Variants in PCDH15 observed in about 807,000 individuals in gnomAD.
PCDH15 encodes the protein protocadherin-15.
PCDH15 carries 129 observed loss-of-function variants against 178.5 expected under a neutral mutation model. That is an observed-to-expected ratio of 0.72 (90% CI 0.63 to 0.84). PCDH15 has a LOEUF of 0.84. Ranked by LOEUF, PCDH15 falls within the 40% of genes least tolerant of loss-of-function variation. The probability of loss-of-function intolerance (pLI) is 0.00; values close to 1 mark genes in which losing one functional copy is unlikely to be tolerated. For missense variants in PCDH15, 2,230 were observed against 2,099.9 expected (o/e 1.06, Z -1.21); for synonymous variants, 800 against 732.0 (o/e 1.09, Z -1.50).
intron 2 of PCDH15, among the ~76,000 whole-genome samples, chr10:54,598,212 T>G (rs2134030989): frequency 6.6e-6 from 1 of 152,160 alleles, no homozygotes; most frequent in African/African-American, 2.4e-5. Flanking sequence ...CTTGATGAAC[T>G]TTGATGCAAA....
chr10:54,380,142 C>G (rs1949003420), intron 3 of PCDH15, among the ~76,000 whole-genome samples: 1 of 151,926 alleles, frequency 6.6e-6, no homozygotes, highest in Non-Finnish European at 1.5e-5. Flanking sequence ...TCTTTATCCG[C>G]CTAAGAAATG....
At chr10:53,997,811 T>C (rs946124243) in intron 20 of PCDH15, among the ~76,000 whole-genome samples, 2 of 152,218 alleles carry the variant, frequency 1.3e-5, no homozygotes, top group African/African-American at 4.8e-5. Context: ...TCTTCCCCCT[T>C]TATTTTCTAT....
chr10:54,986,977 G>A (rs1839385120), intron 2 of PCDH15, among the ~76,000 whole-genome samples: 1 of 152,018 alleles, frequency 6.6e-6, no homozygotes, highest in Non-Finnish European at 1.5e-5. Flanking sequence ...ATGGTGGTTT[G>A]CTGCACCTAT....
chr10:54,577,121 T>C (rs952139067), intron 2 of PCDH15, among the ~76,000 whole-genome samples: 1 of 151,688 alleles, frequency 6.6e-6, no homozygotes, highest in Non-Finnish European at 1.5e-5. Flanking sequence ...TCTCACTCTG[T>C]CCCCAGGCTG....
chr10:55,273,008 G>A (rs1842486014), intron 1 of PCDH15, among the ~76,000 whole-genome samples: 1 of 151,936 alleles, frequency 6.6e-6, no homozygotes, highest in African/African-American at 2.4e-5. Flanking sequence ...GAAAAACGAA[G>A]GCAGAAATCT....
intron 11 of PCDH15, among the ~76,000 whole-genome samples, chr10:54,192,130 A>G (rs1285701505): frequency 2.2e-3 from 278 of 125,124 alleles, no homozygotes; most frequent in African/African-American, 0.01. Flanking sequence ...GAAAGAAAGA[A>G]AGAGAAAGAG....
intron 13 of PCDH15, among the ~76,000 whole-genome samples, chr10:54,169,871 G>A: frequency 6.6e-6 from 1 of 151,548 alleles, no homozygotes; most frequent in Non-Finnish European, 1.5e-5. Flanking sequence ...AACCAGATAA[G>A]CCTTACAAGT....
At chr10:55,206,427 C>T (rs955790513) in intron 1 of PCDH15, among the ~76,000 whole-genome samples, 5 of 152,086 alleles carry the variant, frequency 3.3e-5, no homozygotes, top group Non-Finnish European at 7.3e-5. Context: ...TGGCAAATGC[C>T]ATCATCTGGA....
intron 1 of PCDH15, among the ~76,000 whole-genome samples, chr10:54,754,816 G>GA (rs1390072677): frequency 1.3e-5 from 2 of 151,830 alleles, no homozygotes; most frequent in East Asian, 1.9e-4. Context: ...AAACATGCCA[G>GA]AAAAAATGAC....
intron 3 of PCDH15, among the ~76,000 whole-genome samples, chr10:54,857,466 T>C (rs1264264218): frequency 6.6e-6 from 1 of 152,146 alleles, no homozygotes; most frequent in Non-Finnish European, 1.5e-5. Context: ...TTTTTTGACA[T>C]ACAAGGTCTA....
At chr10:54,435,814 C>T (rs117314821) in intron 3 of PCDH15, among the ~76,000 whole-genome samples, 1 of 151,634 alleles carries the variant, frequency 6.6e-6, no homozygotes, top group African/African-American at 2.4e-5. Flanking sequence ...ACTAAAGACA[C>T]AAAAAATTAG....
intron 27 of PCDH15, among the ~76,000 whole-genome samples, chr10:53,858,727 C>T (rs1440765692): frequency 6.6e-6 from 1 of 152,036 alleles, no homozygotes; most frequent in Non-Finnish European, 1.5e-5. Context: ...TGTCTGGGAC[C>T]AAATGACTAA....
At chr10:55,465,265 G>C in intron 2 of PCDH15, among the ~76,000 whole-genome samples, 1 of 152,134 alleles carries the variant, frequency 6.6e-6, no homozygotes. Flanking sequence ...ACAGTATGGA[G>C]GCAGTATTTC....
Position 55,318,164 on chromosome 10 carries a change from TG to T in PCDH15, c.-156+1434del, listed in dbSNP as rs145373284. ...AACATTTTTATACCATAGTCATTGGTGTACCATATGAAAAATTTAACCCTCG... is the reference window on the plus strand; with the variant it reads ...AACATTTTTATACCATAGTCATTGGTTACCATATGAAAAATTTAACCCTCG... On this transcript the variant is annotated intron_variant, in intron 1 of 5. Coordinates refer to the PCDH15 transcript ENST00000458638. 2.6e-5 allele frequency among the ~76,000 whole-genome samples: 4 copies of T among 152,100 alleles called. No individual in the cohort carries two copies. In the East Asian group the frequency reaches 7.8e-4, roughly 30 times the overall value.
At position 55,195,339 on chromosome 10, in the gene PCDH15, C is replaced by T. The variant is rs555252017; in HGVS notation, c.-155-28688G>A. The stretch of plus-strand genomic sequence containing the variant: ...CGCCCGGCCAGAAATTTCATTTTAG[C>T]TTATGTTAGAAATGTAGTAGAAGCC... On this transcript the variant is annotated intron_variant, in intron 1 of 5. Transcript: ENST00000458638. Among the ~76,000 whole-genome samples the T allele has an allele frequency of 4.6e-4, 70 of 151,648 alleles. 1 individual carries two copies. Among genetic ancestry groups the T allele is most frequent in the African/African-American group, 1.7e-3 (69 of 41,348 alleles).
chr10:54,809,883 G>C lies in PCDH15; in HGVS notation c.-29+87567C>G, dbSNP rs116617115. Among the ~76,000 whole-genome samples the C allele has an allele frequency of 2.6e-3, 403 of 152,228 alleles. 5 individuals carry two copies. Among genetic ancestry groups the C allele is most frequent in the African/African-American group, 9.5e-3 (393 of 41,542 alleles). On this transcript the variant is annotated intron_variant, in intron 3 of 5. Transcript: ENST00000458638. ...CTTTTGAGTAATTGAAACAAACATA[G>C]ATAATTTTTCAGTCACCTTTGCTAT...
At chr10:54,955,259 T>A (rs1034411518) in intron 2 of PCDH15, among the ~76,000 whole-genome samples, 1 of 151,314 alleles carries the variant, frequency 6.6e-6, no homozygotes, top group African/African-American at 2.4e-5. Flanking sequence ...GCTCCACAAT[T>A]TATAGAAATA....
At chr10:54,926,875 T>G (rs1390957218) in intron 2 of PCDH15, among the ~76,000 whole-genome samples, 1 of 152,082 alleles carries the variant, frequency 6.6e-6, no homozygotes, top group Non-Finnish European at 1.5e-5. Flanking sequence ...ATATCTACTT[T>G]ATTAAATTTA....
intron 3 of PCDH15, among the ~76,000 whole-genome samples, chr10:54,888,934 G>A (rs756769219): frequency 2.0e-5 from 3 of 150,792 alleles, no homozygotes; most frequent in Admixed American, 1.3e-4. Context: ...TAATTGTATT[G>A]TGAGAATACA....
Sources: gnomAD v4.1 joint callset for allele counts (sites outside exome capture counted in the v4.1 genomes callset) on GRCh38, gnomAD v4.1.1 for gene constraint, MANE v1.5 for transcripts, NCBI Gene and HGNC (gene_info 2026-07-23, HGNC 2026-07-21) for gene names.